PHACTR4: variants seen among roughly 807,000 people sequenced by gnomAD.
PHACTR4 encodes the protein protein phosphatase 1, regulatory subunit 124.
PHACTR4 carries 51 observed loss-of-function variants against 72.7 expected under a neutral mutation model. That is an observed-to-expected ratio of 0.70 (90% CI 0.56 to 0.89). The LOEUF (loss-of-function observed/expected upper bound fraction) is 0.89. Ranked by LOEUF, PHACTR4 falls within the 40% of genes least tolerant of loss-of-function variation. The pLI is 0.00. For synonymous variants in PHACTR4, 255 were observed against 302.5 expected, an observed-to-expected ratio of 0.84 and a Z score of 1.63; for missense variants, 731 against 861.8, an observed-to-expected ratio of 0.85 and a Z score of 1.90.
chr1:28,401,248 G>A (rs1653919331), intron 1 of PHACTR4, among the ~76,000 whole-genome samples: 1 of 151,422 alleles, frequency 6.6e-6, no homozygotes, highest in South Asian at 2.1e-4. Context: ...GTTTTAAAAC[G>A]CATTTTGAGG....
intron 1 of PHACTR4, among the ~76,000 whole-genome samples, chr1:28,373,085 G>C (rs1289751514): frequency 6.6e-6 from 1 of 151,900 alleles, no homozygotes; most frequent in Admixed American, 6.6e-5. Context: ...AGCCTTCTGA[G>C]TAGCTGGGAC....
rs147662501 is a variant in PHACTR4, at chr1:28,381,488, C to T, written c.-39+11663C>T. 3.0e-4 allele frequency among the ~76,000 whole-genome samples: 44 copies of T among 148,056 alleles called. No homozygotes were observed. In the East Asian group the frequency reaches 8.5e-3, roughly 29 times the overall value. On this transcript the variant is annotated intron_variant, in intron 1 of 13. Coordinates refer to ENST00000373839, the MANE Select transcript of PHACTR4 (RefSeq NM_001048183.3). ...TAATTTTTTGTGTTTTTAGTAGAGACGCAGTTAAACCATGTTAGCCAGTAT... is the reference window on the plus strand; with the variant it reads ...TAATTTTTTGTGTTTTTAGTAGAGATGCAGTTAAACCATGTTAGCCAGTAT...
At chr1:28,479,845 A>C (rs1322790421) in intron 8 of PHACTR4, among the ~76,000 whole-genome samples, 1 of 152,234 alleles carries the variant, frequency 6.6e-6, no homozygotes, top group Non-Finnish European at 1.5e-5. Flanking sequence ...ATGAGCTGAA[A>C]TCGTGACACT....
At chr1:28,427,517 C>A (rs561963294) in intron 2 of PHACTR4, among the ~76,000 whole-genome samples, 1 of 152,086 alleles carries the variant, frequency 6.6e-6, no homozygotes, top group East Asian at 1.9e-4. Context: ...CAGAGCGAGA[C>A]CCTGTCTCAA....
At chr1:28,495,015 T>C (rs1661261592) in intron 13 of PHACTR4, among the ~76,000 whole-genome samples, 1 of 152,180 alleles carries the variant, frequency 6.6e-6, no homozygotes, top group Non-Finnish European at 1.5e-5. Context: ...AGGTGATAGA[T>C]TTGTAAGACA....
intron 2 of PHACTR4, chr1:28,453,680 C>T (rs909594554): frequency 1.6e-5 from 21 of 1,274,352 alleles, no homozygotes; most frequent in Middle Eastern, 2.8e-4. Flanking sequence ...AAGATGGACC[C>T]GTCCTGGTTC....
intron 1 of PHACTR4, among the ~76,000 whole-genome samples, chr1:28,385,382 A>G (rs1212615610): frequency 6.6e-6 from 1 of 151,820 alleles, no homozygotes; most frequent in Non-Finnish European, 1.5e-5. Flanking sequence ...CATCTCTACT[A>G]AAAATTCAAA....
intron 2 of PHACTR4, among the ~76,000 whole-genome samples, chr1:28,412,382 C>T (rs1370569621): frequency 1.3e-5 from 2 of 152,116 alleles, no homozygotes; most frequent in Admixed American, 6.6e-5. Context: ...TGGAGATAAC[C>T]ATCATACTTA....
chr1:28,396,662 C>CTT (rs1332701722), intron 1 of PHACTR4, among the ~76,000 whole-genome samples: 2 of 141,214 alleles, frequency 1.4e-5, no homozygotes, highest in Non-Finnish European at 1.6e-5. Flanking sequence ...TAGTGATGTG[C>CTT]TTTTTTTTTT....
intron 2 of PHACTR4, among the ~76,000 whole-genome samples, chr1:28,409,951 A>ATTTTTTTTTTTTTTTTTTTT (rs57186471): frequency 1.5e-5 from 1 of 66,338 alleles, no homozygotes; most frequent in Non-Finnish European, 2.6e-5. Flanking sequence ...TTCTTCATAA[A>ATTTTTTTTTTTTTTTTTTTT]TTTTTTTTTT....
intron 2 of PHACTR4, among the ~76,000 whole-genome samples, chr1:28,421,771 G>A (rs1655525060): frequency 6.6e-6 from 1 of 152,172 alleles, no homozygotes; most frequent in Admixed American, 6.6e-5. Context: ...AGACAAAAGT[G>A]GCACCAAAGG....
intron 2 of PHACTR4, among the ~76,000 whole-genome samples, chr1:28,421,628 T>G (rs1163078788): frequency 1.3e-5 from 2 of 152,202 alleles, no homozygotes; most frequent in African/African-American, 4.8e-5. Flanking sequence ...CTCTAAAACG[T>G]AGGCCTGGCT....
rs1032155175 is a variant in PHACTR4, at chr1:28,460,406, AG to A, written c.271+117del. The A allele has an allele frequency of 6.8e-6, 5 of 739,292 alleles. No individual in the cohort carries two copies. The African/African-American group carries it at 9.1e-5, about 13-fold the overall frequency. 45.8% of individuals were successfully genotyped at this position (739,292 alleles called of 1,614,324 possible). A position where few individuals can be genotyped will look rare whatever the true frequency, so the allele number is the denominator to read the frequency against. On this transcript the variant is annotated intron_variant, in intron 4 of 13. Coordinates refer to ENST00000373839, the MANE Select transcript of PHACTR4 (RefSeq NM_001048183.3). ...TTTTATATTGCTATTTTTGGGTTGG[AG>A]GGTGGCCTTTAAAAAAAAAAGTTCA...
chr1:28,487,727 GTTTTTTTTTTTTT>G (rs780028378), intron 9 of PHACTR4, among the ~76,000 whole-genome samples: 1 of 63,304 alleles, frequency 1.6e-5, no homozygotes, highest in Non-Finnish European at 3.3e-5. Flanking sequence ...GTTTTTTGTT[GTTTTTTTTTTTTT>G]TTTTTTTTTT....
chr1:28,371,607 T>C (rs1353621095), intron 1 of PHACTR4, among the ~76,000 whole-genome samples: 1 of 151,950 alleles, frequency 6.6e-6, no homozygotes, highest in Non-Finnish European at 1.5e-5. Context: ...TTTTTATGTA[T>C]TTATTTTTTG....
Position 28,407,403 on chromosome 1 carries a change from T to A in PHACTR4, c.-38-7T>A, listed in dbSNP as rs765647739. ...TAAGTGTATCATTTACCTTTTTCTC[T>A]TTTTAGAAACAGTATCTCACCTCCC... On this transcript the variant is annotated splice_region_variant and splice_polypyrimidine_tract_variant and intron_variant, in intron 1 of 13. Coordinates refer to ENST00000373839, the MANE Select transcript of PHACTR4 (RefSeq NM_001048183.3). The A allele has an allele frequency of 1.9e-6, 3 of 1,557,250 alleles. No individual in the cohort carries two copies. In the Admixed American group the frequency reaches 5.2e-5, roughly 27 times the overall value.
At chr1:28,378,627 G>T (rs1220292924) in intron 1 of PHACTR4, among the ~76,000 whole-genome samples, 1 of 125,068 alleles carries the variant, frequency 8.0e-6, no homozygotes, top group Non-Finnish European at 1.6e-5. Context: ...AATAGAGGAA[G>T]TATTTAGAAT....
Position 28,444,647 on chromosome 1 carries a change from G to A in PHACTR4, c.17-14438G>A, listed in dbSNP as rs558278346. ...TTATTATTTTTTGAGACAGAGTCTC[G>A]CTGTGTTGGCCAGGCTGGAGTGCAG... On this transcript the variant is annotated intron_variant, in intron 2 of 13. Coordinates refer to ENST00000373839, the MANE Select transcript of PHACTR4 (RefSeq NM_001048183.3). Among the ~76,000 whole-genome samples the A allele has an allele frequency of 9.1e-4, 137 of 149,770 alleles. 1 individual carries two copies. The highest frequency in any genetic ancestry group is 3.2e-3 in the African/African-American group (131 of 40,874).
intron 8 of PHACTR4, among the ~76,000 whole-genome samples, chr1:28,477,366 C>CT (rs914877218): frequency 1.3e-5 from 2 of 151,780 alleles, no homozygotes; most frequent in African/African-American, 4.8e-5. Flanking sequence ...GTGTGAGCCA[C>CT]TGTGCCCAGC....
Sources: allele counts gnomAD v4.1 joint callset (sites outside exome capture counted in the v4.1 genomes callset), GRCh38; gene constraint gnomAD v4.1.1; transcripts MANE v1.5; gene names NCBI Gene and HGNC (gene_info 2026-07-23, HGNC 2026-07-21).